Variants in EXO1 observed in about 807,000 individuals in gnomAD.
EXO1 encodes the protein exonuclease 1.
A neutral mutation model predicts 84.5 loss-of-function variants in EXO1; 69 were observed. The ratio of observed to expected loss-of-function variants is 0.82; its 90% CI spans 0.67 to 1.00. The LOEUF (loss-of-function observed/expected upper bound fraction) is 1.00, where lower values mean the gene tolerates loss of function less well. Among genes scored for constraint, EXO1 ranks in the 50% least tolerant of loss-of-function variants. The probability of loss-of-function intolerance (pLI) is 0.00; values close to 1 mark genes in which losing one functional copy is unlikely to be tolerated. For missense variants in EXO1, 1,045 were observed against 1,000.7 expected (o/e 1.04, Z -0.60); for synonymous variants, 373 against 366.1 (o/e 1.02, Z -0.21).
Position 241,879,272 on chromosome 1 carries a change from G to A in EXO1, c.2038G>A (p.Gly680Arg), listed in dbSNP as rs1662602413. ...EACSSQSQES[G>R]EFSLQSSNAS... is the part of the protein sequence containing the mutation. ...ATGTTCTTCACAGTCCCAGGAAAGT[G>A]GAGAATTCTCACTGCAGAGTTCAAA... The change falls in exon 13 of 16, where the codon GGA (glycine) becomes AGA (arginine). Residue 680 changes from glycine (G) to arginine (R), a missense_variant. Transcript: ENST00000366548. 1 of 1,601,846 alleles carries A rather than the reference G, an allele frequency of 6.2e-7. No individual in the cohort carries two copies. Among genetic ancestry groups the A allele is most frequent in the African/African-American group, 1.3e-5 (1 of 74,108 alleles).
At chr1:241,884,323 T>G (rs530130005) in intron 14 of EXO1, among the ~76,000 whole-genome samples, 1 of 152,336 alleles carries the variant, frequency 6.6e-6, no homozygotes, top group Non-Finnish European at 1.5e-5. Context: ...TTTTTCATTC[T>G]TCCTACACAC....
chr1:241,879,149 TC>T lies in EXO1; in HGVS notation c.1920del (p.Thr641ProfsTer14). The T allele has an allele frequency of 6.2e-7, 1 of 1,608,680 alleles. No homozygotes were observed. Among genetic ancestry groups the T allele is most frequent in the South Asian group, 1.1e-5 (1 of 91,032 alleles). ...ALQQFRRKSD[S>X]PTSLPENNMS... ...GCAGCAGTTCCGAAGAAAGAGCGATTCCCCCACCTCTTTGCCTGAGAATAAT... is the reference window on the plus strand; with the variant it reads ...GCAGCAGTTCCGAAGAAAGAGCGATTCCCCACCTCTTTGCCTGAGAATAAT... On this transcript the variant is annotated frameshift_variant, in exon 13 of 16. Transcript: ENST00000366548. LOFTEE classifies it high-confidence loss of function.
chr1:241,866,761 G>T, intron 10 of EXO1, 69 bp from the exon 11 acceptor site: 1 of 1,151,422 alleles, frequency 8.7e-7, no homozygotes, highest in Non-Finnish European at 1.3e-6. Flanking sequence ...TATAATTTAT[G>T]TTGATACAGA....
chr1:241,871,914 T>TTG (rs1662115309), intron 11 of EXO1, 118 bp from the exon 12 acceptor site: 1 of 704,060 alleles, frequency 1.4e-6, no homozygotes, highest in Admixed American at 3.2e-5. Context: ...AGGCATAGTT[T>TTG]TTTTTTTTTT....
intron 3 of EXO1, among the ~76,000 whole-genome samples, chr1:241,849,677 T>TAAC (rs1278842755): frequency 6.6e-6 from 1 of 152,254 alleles, no homozygotes; most frequent in Non-Finnish European, 1.5e-5. Flanking sequence ...TTAATTGAAA[T>TAAC]ACTTACCTTC....
At chr1:241,858,426 T>G in intron 7 of EXO1, 80 bp from the exon 8 acceptor site, 1 of 862,542 alleles carries the variant, frequency 1.2e-6, no homozygotes, top group East Asian at 2.4e-5. Context: ...ACAAGAAAGA[T>G]TTCTTAAAAT....
At position 241,879,223 on chromosome 1, in the gene EXO1, G is replaced by T. The variant is rs1479693841; in HGVS notation, c.1989G>T (p.Glu663Asp). 1 of 1,601,326 alleles carries T rather than the reference G, an allele frequency of 6.2e-7. No individual in the cohort carries two copies. Among genetic ancestry groups the T allele is most frequent in the Non-Finnish European group, 8.5e-7 (1 of 1,173,140 alleles). The change falls in exon 13 of 16, where the codon GAG becomes GAT. Residue 663 changes from glutamate (E) to aspartate (D), a missense_variant. By Grantham distance (45) the Glu-to-Asp change is conservative. Coordinates refer to ENST00000366548, the MANE Select transcript of EXO1 (RefSeq NM_130398.4). ...QLKSEESSDD[E>D]SHPLREEACS... ...AGAGCGAGGAGTCCAGTGACGATGAGTCTCATCCCTTACGAGAAGAGGCAT... is the reference window on the plus strand; with the variant it reads ...AGAGCGAGGAGTCCAGTGACGATGATTCTCATCCCTTACGAGAAGAGGCAT...
intron 15 of EXO1, among the ~76,000 whole-genome samples, chr1:241,886,602 C>G (rs991630264): frequency 1.3e-5 from 2 of 152,110 alleles, no homozygotes; most frequent in African/African-American, 4.8e-5. Context: ...CAGCAGTTTT[C>G]AAACTTTTTC....
At chr1:241,853,213 T>C (rs1660763376) in intron 5 of EXO1, 145 bp from the exon 6 acceptor site, 1 of 772,098 alleles carries the variant, frequency 1.3e-6, no homozygotes, top group Non-Finnish European at 2.2e-6. Context: ...TCTGGGTTAA[T>C]GTTCTCAAGG....
At position 241,881,973 on chromosome 1, in the gene EXO1, C is replaced by A. The variant is rs1635498; in HGVS notation, c.2167C>A (p.Arg723Ser). 6.3e-7 allele frequency: 1 copy of A among 1,582,630 alleles called. No homozygotes were observed. The highest frequency in any genetic ancestry group is 1.3e-5 in the African/African-American group (1 of 74,428). The change falls in exon 14 of 16, where the codon CGT becomes AGT. Residue 723 changes from arginine to serine, a missense_variant. Coordinates refer to ENST00000366548, the MANE Select transcript of EXO1 (RefSeq NM_130398.4). ...DSQSDQTSKL[R>S]LSHFSKKDTP... ...TCAAAGTGACCAGACCTCCAAGCTA[C>A]GTTTATCTCATTTCTCAAAAAAAGA...
At chr1:241,866,640 A>G (rs191233619) in intron 10 of EXO1, among the ~76,000 whole-genome samples, 190 bp from the exon 11 acceptor site, 1 of 149,824 alleles carries the variant, frequency 6.7e-6, no homozygotes, top group East Asian at 2.0e-4. Flanking sequence ...GCCTAGGAAT[A>G]TAAGACACAT....
In EXO1 at chr1:241,860,603, C is replaced by T; in HGVS notation, c.843C>T (p.Thr281=). The change falls in exon 9 of 16, where the codon ACC becomes ACT. Residue 281 remains threonine, a synonymous_variant. Coordinates refer to ENST00000366548, the MANE Select transcript of EXO1 (RefSeq NM_130398.4). The part of the protein sequence containing the change: ...YINGFIRANN[T]FLYQLVFDPI... ...ACGGGTTTATTCGGGCCAACAATAC[C>T]TTCCTCTATCAGCTAGTTTTTGATC... 1.2e-6 allele frequency: 2 copies of T among 1,613,630 alleles called. No homozygotes were observed. The highest frequency in any genetic ancestry group is 1.1e-5 in the South Asian group (1 of 91,068).
chr1:241,868,310 A>G (rs1332663159), intron 11 of EXO1, among the ~76,000 whole-genome samples: 1 of 147,060 alleles, frequency 6.8e-6, no homozygotes, highest in East Asian at 2.0e-4. Flanking sequence ...TGGAAGGCAG[A>G]GGTTGCAGTG....
At position 241,860,555 on chromosome 1, in the gene EXO1, C is replaced by T; in HGVS notation, c.795C>T (p.Ile265=). The part of the protein sequence containing the change: ...KKIGHYLKMN[I]TVPEDYINGF... Reference sequence around the variant, plus strand: ...TTGGACATTATCTCAAGATGAATATCACGGTACCAGAGGATTACATCAACG... The same window carrying T: ...TTGGACATTATCTCAAGATGAATATTACGGTACCAGAGGATTACATCAACG... The change falls in exon 9 of 16, where the codon ATC becomes ATT. Residue 265 remains isoleucine (I), a synonymous_variant. Transcript: ENST00000366548. The T allele has an allele frequency of 6.2e-7, 1 of 1,613,922 alleles. No homozygotes were observed. Among genetic ancestry groups the T allele is most frequent in the South Asian group, 1.1e-5 (1 of 91,070 alleles).
In EXO1 at chr1:241,860,560, T is replaced by C. The variant is rs772048875; in HGVS notation, c.800T>C (p.Val267Ala). 2 of 1,614,006 alleles carry C rather than the reference T, an allele frequency of 1.2e-6. No homozygotes were observed. Among genetic ancestry groups the C allele is most frequent in the Admixed American group, 1.7e-5 (1 of 60,020 alleles). Residue 267 changes from valine (V) to alanine (A), a missense_variant, in exon 9 of 16, where the codon GTA becomes GCA. Transcript: ENST00000366548. ...CATTATCTCAAGATGAATATCACGG[T>C]ACCAGAGGATTACATCAACGGGTTT... is the stretch of plus-strand genomic sequence containing the variant. ...IGHYLKMNITVPEDYINGFIR... is the reference protein window; with the variant it reads ...IGHYLKMNITAPEDYINGFIR...
In EXO1 at chr1:241,885,323, C is replaced by CTATA; in HGVS notation, c.2224_2227dup (p.Lys743IlefsTer2). On this transcript the variant is annotated frameshift_variant, in exon 15 of 16. Coordinates refer to ENST00000366548, the MANE Select transcript of EXO1 (RefSeq NM_130398.4). LOFTEE classifies it high-confidence loss of function. Reference sequence around the variant, plus strand: ...GGTGTTTAATCTTCAGGTTCCTGGGCTATATAAGTCCAGTTCTGCAGACTC... The same window carrying CTATA: ...GGTGTTTAATCTTCAGGTTCCTGGGCTATATATATAAGTCCAGTTCTGCAGACTC... 2 of 1,613,082 alleles carry CTATA rather than the reference C, an allele frequency of 1.2e-6. No individual in the cohort carries two copies. The highest frequency in any genetic ancestry group is 1.7e-6 in the Non-Finnish European group (2 of 1,179,408).
rs1004189975 is a variant in EXO1, at chr1:241,882,091, A to G, written c.2211+74A>G. On this transcript the variant is annotated intron_variant, in intron 14 of 15. Coordinates refer to ENST00000366548, the MANE Select transcript of EXO1 (RefSeq NM_130398.4). Reference sequence around the variant, plus strand: ...TTACAACTAGAAAATGAGAAATACAAGCAGAATTAAAAATCAAAATACCTG... The same window carrying G: ...TTACAACTAGAAAATGAGAAATACAGGCAGAATTAAAAATCAAAATACCTG... 1.7e-5 allele frequency: 13 copies of G among 744,702 alleles called. 1 individual carries two copies. The highest frequency in any genetic ancestry group is 1.4e-4 in the South Asian group (9 of 62,124). 46.1% of individuals were successfully genotyped at this position (744,702 alleles called of 1,614,324 possible).
chr1:241,855,414 A>C (rs1016677104), intron 6 of EXO1, among the ~76,000 whole-genome samples: 2 of 152,138 alleles, frequency 1.3e-5, no homozygotes, highest in African/African-American at 4.8e-5. Flanking sequence ...TGTGTTTACA[A>C]ACCTTGAGCT....
chr1:241,864,894 A>T (rs1169290917), intron 10 of EXO1, among the ~76,000 whole-genome samples: 40 of 142,192 alleles, frequency 2.8e-4, no homozygotes, highest in African/African-American at 5.7e-4. Flanking sequence ...TTTTTTTTTT[A>T]AATTTGAGAC....
Sources: gnomAD v4.1 joint callset for allele counts (sites outside exome capture counted in the v4.1 genomes callset) on GRCh38, gnomAD v4.1.1 for gene constraint, MANE v1.5 for transcripts, NCBI Gene and HGNC (gene_info 2026-07-23, HGNC 2026-07-21) for gene names.